The following RPS6KA2 variants were observed in gnomAD, a reference collection of about 807,000 sequenced individuals.
RPS6KA2 encodes the protein ribosomal protein S6 kinase alpha-2.
Under a neutral mutation model 91.8 loss-of-function variants are expected in RPS6KA2, and 42 were observed. That is an observed-to-expected ratio of 0.46 (90% CI 0.36 to 0.59). The LOEUF (loss-of-function observed/expected upper bound fraction) is 0.59, where lower values mean the gene tolerates loss of function less well. Ranked by LOEUF, RPS6KA2 falls within the 20% of genes least tolerant of loss-of-function variation. RPS6KA2 has a pLI of 0.00. For synonymous variants in RPS6KA2, 414 were observed against 393.6 expected, an observed-to-expected ratio of 1.05 and a Z score of -0.61; for missense variants, 798 against 978.5, an observed-to-expected ratio of 0.82 and a Z score of 2.46.
intron 2 of RPS6KA2, among the ~76,000 whole-genome samples, chr6:166,853,876 G>A (rs2128633168): frequency 6.6e-6 from 1 of 152,368 alleles, no homozygotes; most frequent in Non-Finnish European, 1.5e-5. Context: ...ATGGCCTGCA[G>A]GAGAGAGGCA....
At chr6:166,517,128 C>T (rs1482004875) in intron 3 of RPS6KA2, among the ~76,000 whole-genome samples, 2 of 152,042 alleles carry the variant, frequency 1.3e-5, no homozygotes, top group Non-Finnish European at 2.9e-5. Flanking sequence ...GGTCTCCTCC[C>T]TATATCTTAC....
chr6:166,443,090 A>G (rs1779570526), intron 14 of RPS6KA2, among the ~76,000 whole-genome samples: 1 of 152,214 alleles, frequency 6.6e-6, no homozygotes, highest in African/African-American at 2.4e-5. Flanking sequence ...TAATTATACA[A>G]TTATATACTG....
chr6:166,674,086 G>A (rs990604865), intron 2 of RPS6KA2, among the ~76,000 whole-genome samples: 3 of 152,208 alleles, frequency 2.0e-5, no homozygotes, highest in Non-Finnish European at 2.9e-5. Context: ...TTCTGATCAA[G>A]AAAATTGTGT....
At chr6:166,529,086 A>T (rs529097053) in intron 3 of RPS6KA2, among the ~76,000 whole-genome samples, 1 of 152,312 alleles carries the variant, frequency 6.6e-6, no homozygotes, top group African/African-American at 2.4e-5. Context: ...TACCCAAAGG[A>T]TTATAAATCA....
intron 2 of RPS6KA2, among the ~76,000 whole-genome samples, chr6:166,744,591 G>A (rs905388128): frequency 3.9e-5 from 6 of 152,134 alleles, no homozygotes; most frequent in African/African-American, 9.7e-5. Flanking sequence ...CCGCGCACCC[G>A]TGCAGCAGGG....
chr6:166,725,652 G>GGGGGT (rs1790314756), intron 2 of RPS6KA2, among the ~76,000 whole-genome samples: 2 of 152,376 alleles, frequency 1.3e-5, no homozygotes, highest in South Asian at 2.1e-4. Context: ...TGAGCCAGTG[G>GGGGGT]GGGGTGGGGT....
rs1376194532 is a variant in RPS6KA2, at chr6:166,423,166, TC to T, written c.1743+89del. ...GACGCAGCTCAAGCCGCCTCTGACA[TC>T]CCCGCTGTCCGGTGGCTCTGCAGTG... On this transcript the variant is annotated intron_variant, in intron 17 of 20. Transcript: ENST00000265678. This position sits in a 1 kb window ranked among gnomAD's most constrained non-coding sequence, Gnocchi z 4.8. 7.3e-7 allele frequency: 1 copy of T among 1,372,476 alleles called. No individual in the cohort carries two copies. Among genetic ancestry groups the T allele is most frequent in the Non-Finnish European group, 9.9e-7 (1 of 1,012,436 alleles). The allele number at this position is 1,372,476 out of a possible 1,614,324, so 85.0% of individuals were successfully genotyped here.
intron 2 of RPS6KA2, among the ~76,000 whole-genome samples, chr6:166,725,648 A>G (rs7771608): frequency 0.19 from 28,247 of 152,164 alleles, 6,531 homozygotes; most frequent in African/African-American, 0.55. Flanking sequence ...TGGGTGAGCC[A>G]GTGGGGGGTG....
chr6:166,686,188 G>A lies in RPS6KA2; in HGVS notation c.124-147404C>T, dbSNP rs564627296. On this transcript the variant is annotated intron_variant, in intron 2 of 21. Transcript: ENST00000503859. The stretch of plus-strand genomic sequence containing the variant: ...GGCCATCCTATGCTCATGTAAGGTC[G>A]GTCCTGCTGAGTCCTGCCGCCAGGA... 5.3e-5 allele frequency among the ~76,000 whole-genome samples: 8 copies of A among 152,196 alleles called. No homozygotes were observed. In the East Asian group the frequency reaches 9.7e-4, roughly 18 times the overall value.
chr6:166,455,056 G>A (rs1297742211), intron 12 of RPS6KA2, among the ~76,000 whole-genome samples: 9 of 151,856 alleles, frequency 5.9e-5, no homozygotes, highest in Non-Finnish European at 1.3e-4. Context: ...ATGTATAGTT[G>A]TGTGCATATT....
In RPS6KA2 at chr6:166,500,675, AG is replaced by A. The variant is rs1781996217; in HGVS notation, c.604+211del. Among the ~76,000 whole-genome samples the A allele has an allele frequency of 2.0e-5, 3 of 152,194 alleles. No homozygotes were observed. The highest frequency in any genetic ancestry group is 2.0e-4 in the Admixed American group (3 of 15,278). ...AACGTGGCAGGGGAGAGGGAAAAGA[AG>A]GGGCCACCGGGAAGCTGCATGGGTC... On this transcript the variant is annotated intron_variant, in intron 7 of 20. Transcript: ENST00000265678. This position sits in a 1 kb window ranked among gnomAD's most constrained non-coding sequence, Gnocchi z 4.3.
intron 2 of RPS6KA2, among the ~76,000 whole-genome samples, chr6:166,839,700 GAGGAGAGGA>G (rs1360793815): frequency 4.8e-5 from 6 of 123,940 alleles, no homozygotes; most frequent in East Asian, 5.7e-4. Context: ...GAGGGGAGGA[GAGGAGAGGA>G]GAGGAGAGGC....
In RPS6KA2 at chr6:166,795,716, T is replaced by G. The variant is rs1173080926; in HGVS notation, c.123+62484A>C. On this transcript the variant is annotated intron_variant, in intron 2 of 21. Coordinates refer to the RPS6KA2 transcript ENST00000503859. The stretch of plus-strand genomic sequence containing the variant: ...GTGATCACAGCTGGGCTCCAGGCTG[T>G]GGGCTGCTGCCCCAGCAGGCTCAGG... Among the ~76,000 whole-genome samples, 4 of 152,324 alleles carry G rather than the reference T, an allele frequency of 2.6e-5. No individual in the cohort carries two copies. The East Asian group carries it at 7.7e-4, about 29-fold the overall frequency.
intron 2 of RPS6KA2, among the ~76,000 whole-genome samples, chr6:166,747,980 TGAGTTGCCCATGCCAGTG>T (rs2128596130): frequency 6.6e-6 from 1 of 152,252 alleles, no homozygotes; most frequent in Admixed American, 6.5e-5. Flanking sequence ...CATTCTGCCC[TGAGTTGCCCATGCCAGTG>T]AATGTGCCAA....
chr6:166,722,653 G>A (rs1790212058), intron 2 of RPS6KA2, among the ~76,000 whole-genome samples: 1 of 152,234 alleles, frequency 6.6e-6, no homozygotes, highest in South Asian at 2.1e-4. Flanking sequence ...ACACCTTTCT[G>A]ATGGGGCTGC....
At position 166,845,608 on chromosome 6, in the gene RPS6KA2, C is replaced by T. The variant is rs192769611; in HGVS notation, c.123+12592G>A. Among the ~76,000 whole-genome samples the T allele has an allele frequency of 1.7e-3, 257 of 152,166 alleles. 1 individual carries two copies. Among genetic ancestry groups the T allele is most frequent in the African/African-American group, 3.1e-3 (128 of 41,528 alleles). ...GGAAATCAAATAGCCTGCTCCTGAA[C>T]GACTGTTGGGTCAACAACAAAATCA... On this transcript the variant is annotated intron_variant, in intron 2 of 21. Transcript: ENST00000503859.
chr6:166,714,000 C>T (rs1449063423), intron 2 of RPS6KA2, among the ~76,000 whole-genome samples: 3 of 152,226 alleles, frequency 2.0e-5, no homozygotes, highest in Non-Finnish European at 2.9e-5. Flanking sequence ...CTCCCTGATC[C>T]CGCCTTTCCC....
intron 10 of RPS6KA2, among the ~76,000 whole-genome samples, chr6:166,472,932 G>T (rs754156589): frequency 2.6e-5 from 4 of 152,180 alleles, no homozygotes; most frequent in Non-Finnish European, 5.9e-5. Context: ...GCAATTTGTC[G>T]TTAAGTTCCT....
rs371897930 is a variant in RPS6KA2 at position 166,452,083 on chromosome 6, C to T, written c.1076-850G>A. The stretch of plus-strand genomic sequence containing the variant: ...AATCTCTCTAAGGAGTAAGCATACA[C>T]ATATTTAAATAGGACAACACTTTTG... On this transcript the variant is annotated intron_variant, in intron 12 of 20. Coordinates refer to ENST00000265678, the MANE Select transcript of RPS6KA2 (RefSeq NM_021135.6). Among the ~76,000 whole-genome samples the T allele has an allele frequency of 2.0e-5, 3 of 152,112 alleles. No individual in the cohort carries two copies. In the East Asian group the frequency reaches 5.8e-4, roughly 29 times the overall value.
Sources: allele counts gnomAD v4.1 joint callset (sites outside exome capture counted in the v4.1 genomes callset), GRCh38; gene constraint gnomAD v4.1.1; non-coding constraint Gnocchi (gnomAD v3.1); transcripts MANE v1.5; gene names NCBI Gene and HGNC (gene_info 2026-07-23, HGNC 2026-07-21).